KIAA1217: variants seen among roughly 807,000 people sequenced by gnomAD.
KIAA1217 encodes the protein KIAA1217.
Under a neutral mutation model 163.9 loss-of-function variants are expected in KIAA1217, and 88 were observed. The ratio of observed to expected loss-of-function variants is 0.54; its 90% CI spans 0.45 to 0.64. The LOEUF is 0.64. Ranked by LOEUF, KIAA1217 falls within the 30% of genes least tolerant of loss-of-function variation. The pLI is 0.00. For synonymous variants in KIAA1217, 903 were observed against 923.1 expected, an observed-to-expected ratio of 0.98 and a Z score of 0.39; for missense variants, 2,372 against 2,475.0, an observed-to-expected ratio of 0.96 and a Z score of 0.88.
intron 2 of KIAA1217, among the ~76,000 whole-genome samples, chr10:24,068,080 C>T (rs1029093336): frequency 6.6e-6 from 1 of 152,256 alleles, no homozygotes; most frequent in Non-Finnish European, 1.5e-5. Flanking sequence ...TCCCTGACCC[C>T]TTGTGCTTCC....
rs374155478 is a variant in KIAA1217, at chr10:24,545,137, G to A, written c.5334+34G>A. On this transcript the variant is annotated intron_variant, in intron 20 of 20. Coordinates refer to ENST00000376454, the MANE Select transcript of KIAA1217 (RefSeq NM_019590.5). ...ACCTTAAACCCACTTTTGGATGGAC[G>A]CTATTTCAGTTAAGCAAGTCACTGA... 6.2e-6 allele frequency: 10 copies of A among 1,612,450 alleles called. No individual in the cohort carries two copies. In the East Asian group the frequency reaches 6.7e-5, roughly 11 times the overall value.
intron 2 of KIAA1217, among the ~76,000 whole-genome samples, chr10:24,186,589 C>T (rs904230998): frequency 2.0e-5 from 3 of 152,136 alleles, no homozygotes; most frequent in Admixed American, 2.0e-4. Flanking sequence ...TTGTATCTCC[C>T]ATCTATACAT....
rs71397922 is a variant in KIAA1217, at chr10:23,901,913, C to CAAA, written c.-320-105297_-320-105295dup. Among the ~76,000 whole-genome samples the CAAA allele has an allele frequency of 1.2e-3, 122 of 98,622 alleles. 2 individuals are homozygous for CAAA. The highest frequency in any genetic ancestry group is 4.0e-3 in the African/African-American group (114 of 28,822). 64.7% of individuals were successfully genotyped at this position (98,622 alleles called of 152,430 possible). On this transcript the variant is annotated intron_variant, in intron 1 of 18. Transcript: ENST00000376462. ...TAGGTGACAGAGTGAGACTCTATCT[C>CAAA]AAAAAAAAAAAAAAAAAGGAAGAAA... is the stretch of plus-strand genomic sequence containing the variant.
At chr10:24,397,186 A>G (rs1297047148) in intron 3 of KIAA1217, among the ~76,000 whole-genome samples, 1 of 139,454 alleles carries the variant, frequency 7.2e-6, no homozygotes, top group East Asian at 2.1e-4. Flanking sequence ...ATCTTGGCTC[A>G]CTGCAACCTC....
At chr10:23,941,477 T>C (rs1451313012) in intron 1 of KIAA1217, among the ~76,000 whole-genome samples, 2 of 152,192 alleles carry the variant, frequency 1.3e-5, no homozygotes, top group Admixed American at 1.3e-4. Context: ...TAACATTTAT[T>C]CCACTTTTTC....
rs370109601 is a variant in KIAA1217, at chr10:23,994,702, CAA to C, written c.-320-12521_-320-12520del. On this transcript the variant is annotated intron_variant, in intron 1 of 18. Transcript: ENST00000376462. ...TGTGCACAAACCATTTCATCTTGAC[CAA>C]AGTCAAATCCGAACCATACAACTTT... Among the ~76,000 whole-genome samples the C allele has an allele frequency of 3.5e-3, 531 of 152,284 alleles. 4 individuals are homozygous for C. Among genetic ancestry groups the C allele is most frequent in the African/African-American group, 0.012 (505 of 41,534 alleles).
At chr10:24,314,075 C>T (rs2043053631) in intron 2 of KIAA1217, among the ~76,000 whole-genome samples, 1 of 151,842 alleles carries the variant, frequency 6.6e-6, no homozygotes, top group South Asian at 2.1e-4. Context: ...CCTGACTGAA[C>T]ATCCTTCTTG....
At chr10:24,047,772 C>T (rs528600283) in intron 2 of KIAA1217, among the ~76,000 whole-genome samples, 4 of 152,236 alleles carry the variant, frequency 2.6e-5, no homozygotes, top group South Asian at 4.1e-4. Context: ...ACTTGGAGAA[C>T]AAAAAGTGTG....
chr10:24,161,425 G>A (rs1260242332), intron 2 of KIAA1217, among the ~76,000 whole-genome samples: 1 of 152,108 alleles, frequency 6.6e-6, no homozygotes. Context: ...TAGATGATCT[G>A]GTCCAACCTT....
chr10:24,073,276 G>A (rs922064307), intron 2 of KIAA1217, among the ~76,000 whole-genome samples: 1 of 152,024 alleles, frequency 6.6e-6, no homozygotes, highest in African/African-American at 2.4e-5. Context: ...AGGAGAAGGG[G>A]TCTAGATTTC....
chr10:23,983,744 C>T (rs1391803889), intron 1 of KIAA1217, among the ~76,000 whole-genome samples: 2 of 152,190 alleles, frequency 1.3e-5, no homozygotes, highest in East Asian at 1.9e-4. Flanking sequence ...CAAACATTCA[C>T]CCTGTGACCC....
intron 2 of KIAA1217, among the ~76,000 whole-genome samples, chr10:24,280,066 C>T (rs370152894): frequency 1.3e-5 from 2 of 152,158 alleles, no homozygotes; most frequent in African/African-American, 2.4e-5. Flanking sequence ...CCATGAGGAT[C>T]GGTTTGGTAG....
At position 24,045,247 on chromosome 10, in the gene KIAA1217, T is replaced by C. The variant is rs556459656; in HGVS notation, c.-171+37873T>C. Among the ~76,000 whole-genome samples, 5 of 151,716 alleles carry C rather than the reference T, an allele frequency of 3.3e-5. 1 individual carries two copies. Among genetic ancestry groups the C allele is most frequent in the East Asian group, 1.9e-4 (1 of 5,178 alleles). On this transcript the variant is annotated intron_variant, in intron 2 of 18. Coordinates refer to the KIAA1217 transcript ENST00000376462. ...TCAGTTTCCTTTGTAGGTGATTTTT[T>C]TCTCTCTCTCTCTCGAAGCTTTAAG...
intron 2 of KIAA1217, among the ~76,000 whole-genome samples, chr10:24,178,925 T>C (rs1589795122): frequency 6.6e-6 from 1 of 152,290 alleles, no homozygotes; most frequent in South Asian, 2.1e-4. Context: ...ATTTAAATCA[T>C]AAGTCAGATG....
At chr10:24,449,630 T>TA in intron 5 of KIAA1217, 1 of 985,364 alleles carries the variant, frequency 1.0e-6, no homozygotes, top group Non-Finnish European at 1.2e-6. Flanking sequence ...CTTCCTTCTG[T>TA]AAAAAACCCA....
rs539989539 is a variant in KIAA1217 at position 24,367,001 on chromosome 10, C to T, written c.355-13868C>T. ...TTCTTTTCGGGGAAGAGGAGTTAAC[C>T]GTGCTACATTTTCATCATGAATAAA... On this transcript the variant is annotated intron_variant, in intron 2 of 20. Transcript: ENST00000376454. 43 of 180,168 alleles carry T rather than the reference C, an allele frequency of 2.4e-4. 1 individual carries two copies. The South Asian group carries it at 6.7e-3, about 28-fold the overall frequency. 11.2% of individuals were successfully genotyped at this position (180,168 alleles called of 1,614,324 possible).
intron 1 of KIAA1217, among the ~76,000 whole-genome samples, chr10:23,835,417 T>C (rs1008510844): frequency 6.6e-6 from 1 of 152,212 alleles, no homozygotes; most frequent in South Asian, 2.1e-4. Context: ...CTTTGAGGCA[T>C]ATTTATTCCC....
chr10:24,330,022 G>C (rs1348332099), intron 2 of KIAA1217, among the ~76,000 whole-genome samples: 1 of 152,254 alleles, frequency 6.6e-6, no homozygotes, highest in East Asian at 1.9e-4. Context: ...AGAAACGGCT[G>C]GGCGTGGTGG....
chr10:24,172,954 A>G lies in KIAA1217; in HGVS notation c.-170-46672A>G, dbSNP rs1325061038. ...TGAAGTTATTAACAAGACAATTCCC[A>G]TAAGCATAGTACCCTAAGCAGGGGT... On this transcript the variant is annotated intron_variant, in intron 2 of 18. Transcript: ENST00000376462. Among the ~76,000 whole-genome samples the G allele has an allele frequency of 3.3e-5, 5 of 152,340 alleles. No homozygotes were observed. The South Asian group carries it at 8.3e-4, about 25-fold the overall frequency.
Sources: allele counts gnomAD v4.1 joint callset (sites outside exome capture counted in the v4.1 genomes callset), GRCh38; gene constraint gnomAD v4.1.1; transcripts MANE v1.5; gene names NCBI Gene and HGNC (gene_info 2026-07-23, HGNC 2026-07-21).